Variants in CAMK2D observed in about 807,000 individuals in gnomAD.
CAMK2D encodes calcium/calmodulin-dependent protein kinase type II subunit delta.
CAMK2D carries 37 observed loss-of-function variants against 84.0 expected under a neutral mutation model. That is an observed-to-expected ratio of 0.44 (90% CI 0.34 to 0.58). The LOEUF (loss-of-function observed/expected upper bound fraction) is 0.58, where lower values mean the gene tolerates loss of function less well. Ranked by LOEUF, CAMK2D falls within the 20% of genes least tolerant of loss-of-function variation. The pLI is 0.02. For missense variants in CAMK2D, 448 were observed against 652.5 expected, an observed-to-expected ratio of 0.69 and a Z score of 3.41; for synonymous variants, 202 against 212.5, an observed-to-expected ratio of 0.95 and a Z score of 0.43.
intron 3 of CAMK2D, among the ~76,000 whole-genome samples, chr4:113,610,985 TAGA>T (rs1413465544): frequency 2.6e-5 from 4 of 151,980 alleles, no homozygotes; most frequent in African/African-American, 9.7e-5. Context: ...GCATTTACTA[TAGA>T]AGGTTTTGGG....
chr4:113,637,718 A>G (rs944867690), intron 3 of CAMK2D, among the ~76,000 whole-genome samples: 2 of 152,122 alleles, frequency 1.3e-5, no homozygotes, highest in African/African-American at 4.8e-5. Context: ...TAAAATATCT[A>G]CCTAGGAAGA....
chr4:113,555,444 T>G (rs1414298459), intron 4 of CAMK2D, among the ~76,000 whole-genome samples: 1 of 152,004 alleles, frequency 6.6e-6, no homozygotes, highest in Non-Finnish European at 1.5e-5. Flanking sequence ...CCCTGGGAAA[T>G]TAACTTAAAG....
intron 2 of CAMK2D, among the ~76,000 whole-genome samples, chr4:113,743,450 C>T (rs1353446331): frequency 6.6e-6 from 1 of 152,204 alleles, no homozygotes; most frequent in Non-Finnish European, 1.5e-5. Flanking sequence ...TACTACTGCA[C>T]AATGCTTTTG....
chr4:113,494,642 C>T (rs1449976997), intron 16 of CAMK2D, among the ~76,000 whole-genome samples: 1 of 152,228 alleles, frequency 6.6e-6, no homozygotes. Context: ...GGCAGGCAGG[C>T]CTCCTTGAGC....
intron 16 of CAMK2D, among the ~76,000 whole-genome samples, chr4:113,471,100 C>T (rs1463899547): frequency 2.0e-5 from 3 of 152,164 alleles, no homozygotes; most frequent in Non-Finnish European, 2.9e-5. Flanking sequence ...AACTGATCAT[C>T]GAACTCCTTT....
intron 2 of CAMK2D, among the ~76,000 whole-genome samples, chr4:113,695,104 A>G (rs1254368674): frequency 6.6e-6 from 1 of 152,196 alleles, no homozygotes; most frequent in Non-Finnish European, 1.5e-5. Flanking sequence ...CTCTGATTAC[A>G]TCACGAAGTG....
rs370957211 is a variant in CAMK2D at position 113,639,860 on chromosome 4, TG to T, written c.220+21852del. 5.7e-3 allele frequency among the ~76,000 whole-genome samples: 861 copies of T among 152,032 alleles called. 9 individuals are homozygous for T. Among genetic ancestry groups the T allele is most frequent in the African/African-American group, 0.019 (797 of 41,470 alleles). ...TTTAGCCTGATAAATTAGGGAGCCA[TG>T]GGAGGATTTTGAGGAGAGTGACAGA... On this transcript the variant is annotated intron_variant, in intron 3 of 20. Coordinates refer to ENST00000511664, the MANE Select transcript of CAMK2D (RefSeq NM_001321571.2).
chr4:113,747,901 T>C (rs1189853089), intron 2 of CAMK2D, among the ~76,000 whole-genome samples: 1 of 152,176 alleles, frequency 6.6e-6, no homozygotes, highest in Non-Finnish European at 1.5e-5. Context: ...TGAAACTCTA[T>C]ACCTGATAAG....
chr4:113,454,450 G>A lies in CAMK2D; in HGVS notation c.*95C>T, dbSNP rs549280724. ...ACATGCATGAAGAGGAGGAGAGGAC[G>A]GCCCAGGGTCACCATCCAGGTGCCT... On this transcript the variant is annotated 3_prime_UTR_variant, in exon 21 of 21. Transcript: ENST00000511664. 38 of 774,650 alleles carry A rather than the reference G, an allele frequency of 4.9e-5. No individual in the cohort carries two copies. Among genetic ancestry groups the A allele is most frequent in the South Asian group, 4.6e-4 (34 of 73,776 alleles). 48.0% of individuals were successfully genotyped at this position (774,650 alleles called of 1,614,324 possible).
intron 2 of CAMK2D, among the ~76,000 whole-genome samples, chr4:113,730,940 A>G (rs2099567093): frequency 1.3e-5 from 2 of 152,240 alleles, no homozygotes; most frequent in Admixed American, 1.3e-4. Context: ...CTGAACTAGT[A>G]GAGTCTTGTA....
At chr4:113,686,777 A>T (rs1365750199) in intron 2 of CAMK2D, among the ~76,000 whole-genome samples, 1 of 152,162 alleles carries the variant, frequency 6.6e-6, no homozygotes, top group Non-Finnish European at 1.5e-5. Context: ...CATAGTGATT[A>T]GTGTGAGATT....
chr4:113,669,093 T>C (rs1380228816), intron 2 of CAMK2D, among the ~76,000 whole-genome samples: 1 of 152,194 alleles, frequency 6.6e-6, no homozygotes, highest in East Asian at 1.9e-4. Context: ...TATAACATTA[T>C]ATATGTTATT....
chr4:113,725,500 C>T (rs368519411), intron 2 of CAMK2D, among the ~76,000 whole-genome samples: 3 of 151,966 alleles, frequency 2.0e-5, no homozygotes, highest in East Asian at 3.9e-4. Flanking sequence ...GGAACAAGTC[C>T]CTCTGGCCTT....
At chr4:113,542,956 G>A (rs757018498) in intron 6 of CAMK2D, among the ~76,000 whole-genome samples, 1 of 152,066 alleles carries the variant, frequency 6.6e-6, no homozygotes, top group Non-Finnish European at 1.5e-5. Flanking sequence ...AATAGTAAAG[G>A]CAGCATTCTC....
rs144538795 is a variant in CAMK2D, at chr4:113,541,534, G to A, written c.415-4091C>T. ...GGCTTTTATTTGTGCACATCTAGAA[G>A]ATGTGCCATCTAAAAGACTCAACCA... On this transcript the variant is annotated intron_variant, in intron 6 of 20. Transcript: ENST00000511664. 2.1e-3 allele frequency among the ~76,000 whole-genome samples: 325 copies of A among 152,228 alleles called. 1 individual carries two copies. The highest frequency in any genetic ancestry group is 7.4e-3 in the African/African-American group (309 of 41,544).
chr4:113,608,028 T>C (rs1245173290), intron 4 of CAMK2D, among the ~76,000 whole-genome samples: 1 of 152,204 alleles, frequency 6.6e-6, no homozygotes. Flanking sequence ...TGAACAGATA[T>C]CTTCTGAGAG....
At chr4:113,563,938 T>G (rs1348733245) in intron 4 of CAMK2D, among the ~76,000 whole-genome samples, 2 of 152,184 alleles carry the variant, frequency 1.3e-5, no homozygotes, top group Non-Finnish European at 2.9e-5. Flanking sequence ...TGAAAAATAT[T>G]ACAGACTGAT....
At position 113,753,598 on chromosome 4, in the gene CAMK2D, C is replaced by T. The variant is rs1437490472; in HGVS notation, c.160+5722G>A. 15 of 169,220 alleles carry T rather than the reference C, an allele frequency of 8.9e-5. No homozygotes were observed. The Admixed American group carries it at 9.8e-4, about 11-fold the overall frequency. The allele number at this position is 169,220 out of a possible 1,614,324, so 10.5% of individuals were successfully genotyped here. A position where few individuals can be genotyped will look rare whatever the true frequency, so the allele number is the denominator to read the frequency against. On this transcript the variant is annotated intron_variant, in intron 2 of 20. Coordinates refer to ENST00000511664, the MANE Select transcript of CAMK2D (RefSeq NM_001321571.2). The stretch of plus-strand genomic sequence containing the variant: ...CCTTAAGTATTGCTAAATCTCTCAA[C>T]TGGAATTAGAGGAATTTTGTCACTT...
chr4:113,496,448 T>C (rs2097933108), intron 16 of CAMK2D, among the ~76,000 whole-genome samples: 1 of 125,872 alleles, frequency 7.9e-6, no homozygotes, highest in Admixed American at 1.0e-4. Flanking sequence ...CCCATTTGCT[T>C]TTTTTTTTTT....
Sources: gnomAD v4.1 joint callset for allele counts (sites outside exome capture counted in the v4.1 genomes callset) on GRCh38, gnomAD v4.1.1 for gene constraint, MANE v1.5 for transcripts, NCBI Gene and HGNC (gene_info 2026-07-23, HGNC 2026-07-21) for gene names.